Variants in CHRM3 observed in about 807,000 individuals in gnomAD.
CHRM3 encodes the protein cholinergic receptor muscarinic 3.
CHRM3 carries 11 observed loss-of-function variants against 41.8 expected under a neutral mutation model. That is an observed-to-expected ratio of 0.26 (90% confidence interval 0.17 to 0.44). The LOEUF is 0.44. CHRM3 is among the 20% of genes least tolerant of loss of function. The pLI is 1.00. For missense variants in CHRM3, 571 were observed against 745.4 expected (o/e 0.77, Z 2.72); for synonymous variants, 297 against 301.4 (o/e 0.99, Z 0.15).
intron 3 of CHRM3, among the ~76,000 whole-genome samples, chr1:239,601,047 C>A (rs1405752108): frequency 6.6e-6 from 1 of 152,124 alleles, no homozygotes; most frequent in African/African-American, 2.4e-5. Flanking sequence ...GAATCATCTC[C>A]CTCATTTGAA....
In CHRM3 at chr1:239,908,642, G is replaced by A. The variant is rs1231968560; in HGVS notation, c.1191G>A (p.Gly397=). 1.2e-6 allele frequency: 2 copies of A among 1,611,980 alleles called. No individual in the cohort carries two copies. Among genetic ancestry groups the A allele is most frequent in the African/African-American group, 1.3e-5 (1 of 74,886 alleles). The stretch of plus-strand genomic sequence containing the variant: ...TGCAGGTGCCTGAGGAGGAGCTGGG[G>A]ATGGTGGACTTGGAGAGGAAAGCCG... The part of the protein sequence containing the change: ...DNLQVPEEEL[G]MVDLERKADK... The change falls in exon 7 of 7, where the codon GGG becomes GGA. Residue 397 remains glycine, a synonymous_variant. Coordinates refer to ENST00000676153, the MANE Select transcript of CHRM3 (RefSeq NM_001375978.1). The surrounding 1 kb of genome is among the most constrained non-coding windows in gnomAD (Gnocchi z 7.2).
At chr1:239,900,010 A>G (rs2103005039) in intron 6 of CHRM3, 1 of 152,340 alleles carries the variant, frequency 6.6e-6, no homozygotes, top group East Asian at 1.9e-4. Flanking sequence ...CTGGGCTGAC[A>G]AGGATCTCTG....
At chr1:239,693,976 G>A (rs1000218411) in intron 5 of CHRM3, among the ~76,000 whole-genome samples, 2 of 152,074 alleles carry the variant, frequency 1.3e-5, no homozygotes, top group African/African-American at 2.4e-5. Context: ...ATTTCAGAAA[G>A]ATGATTTCCA....
intron 3 of CHRM3, chr1:239,546,193 G>A (rs1270926045): frequency 6.6e-6 from 1 of 152,088 alleles, no homozygotes; most frequent in African/African-American, 2.4e-5. Context: ...TTAACAGTTG[G>A]TGTATGATAT....
intron 5 of CHRM3, among the ~76,000 whole-genome samples, chr1:239,678,754 GT>G (rs776932220): frequency 6.6e-6 from 1 of 152,144 alleles, no homozygotes; most frequent in Non-Finnish European, 1.5e-5. Flanking sequence ...GACTACATAT[GT>G]GAATTAATTA....
chr1:239,437,068 A>T (rs748289367), intron 1 of CHRM3, among the ~76,000 whole-genome samples: 10 of 152,118 alleles, frequency 6.6e-5, no homozygotes, highest in Non-Finnish European at 1.5e-4. Context: ...CTAGTGGGTA[A>T]TGAAAATTTT....
intron 1 of CHRM3, among the ~76,000 whole-genome samples, chr1:239,481,289 A>G (rs913969994): frequency 3.9e-4 from 60 of 152,324 alleles, no homozygotes; most frequent in Non-Finnish European, 7.6e-4. Flanking sequence ...TGTATAGACT[A>G]CTAATAGATT....
chr1:239,902,210 G>T (rs1679635185), intron 6 of CHRM3, among the ~76,000 whole-genome samples: 1 of 152,144 alleles, frequency 6.6e-6, no homozygotes, highest in Non-Finnish European at 1.5e-5. Context: ...TTAGCATTGG[G>T]AGAAGGGAGG....
chr1:239,856,289 AG>A (rs1284913157), intron 6 of CHRM3, among the ~76,000 whole-genome samples: 5 of 151,914 alleles, frequency 3.3e-5, no homozygotes, highest in African/African-American at 1.2e-4. Context: ...TGTGATCCTG[AG>A]TGTTGGAGGT....
chr1:239,847,035 AC>A (rs1263350688), intron 6 of CHRM3, among the ~76,000 whole-genome samples: 1 of 152,196 alleles, frequency 6.6e-6, no homozygotes, highest in Non-Finnish European at 1.5e-5. Context: ...CCATGTAAGG[AC>A]CCAAAGCTCC....
At chr1:239,700,420 T>C (rs1403209577) in intron 5 of CHRM3, among the ~76,000 whole-genome samples, 1 of 152,126 alleles carries the variant, frequency 6.6e-6, no homozygotes, top group South Asian at 2.1e-4. Context: ...CATTGGAAAA[T>C]TGCCCTAAAA....
At chr1:239,895,725 C>T (rs1030965277) in intron 6 of CHRM3, among the ~76,000 whole-genome samples, 5 of 152,146 alleles carry the variant, frequency 3.3e-5, no homozygotes, top group African/African-American at 9.7e-5. Context: ...GAACAGAAAA[C>T]CAAACACGGC....
intron 5 of CHRM3, among the ~76,000 whole-genome samples, chr1:239,768,018 T>C (rs887797776): frequency 3.9e-5 from 6 of 152,140 alleles, no homozygotes; most frequent in African/African-American, 1.4e-4. Flanking sequence ...TAAAGAACAA[T>C]AATTCCAGAG....
At chr1:239,495,996 G>A (rs1322831223) in intron 2 of CHRM3, among the ~76,000 whole-genome samples, 1 of 152,156 alleles carries the variant, frequency 6.6e-6, no homozygotes, top group Non-Finnish European at 1.5e-5. Context: ...CAGGAATTCT[G>A]TAGCAACTTC....
intron 3 of CHRM3, among the ~76,000 whole-genome samples, chr1:239,607,789 CT>C (rs904604575): frequency 2.0e-5 from 3 of 152,114 alleles, no homozygotes; most frequent in Non-Finnish European, 2.9e-5. Context: ...TATTTGAAGT[CT>C]TTTTTTAATG....
At chr1:239,511,490 A>T (rs1668918749) in intron 2 of CHRM3, among the ~76,000 whole-genome samples, 1 of 152,154 alleles carries the variant, frequency 6.6e-6, no homozygotes, top group Admixed American at 6.5e-5. Context: ...ATCAAATGTG[A>T]TTTCTGTGGT....
chr1:239,524,168 G>T (rs1367230203), intron 2 of CHRM3, among the ~76,000 whole-genome samples: 2 of 150,644 alleles, frequency 1.3e-5, no homozygotes, highest in South Asian at 2.1e-4. Flanking sequence ...CAGATTCAAA[G>T]AATATATATA....
chr1:239,813,097 G>A lies in CHRM3; in HGVS notation c.-146-14155G>A, dbSNP rs192201927. 4.3e-3 allele frequency among the ~76,000 whole-genome samples: 662 copies of A among 152,274 alleles called. 1 individual carries two copies. The highest frequency in any genetic ancestry group is 8.0e-3 in the Admixed American group (122 of 15,298). ...GTTTGAGACCAGCCTGGCCAATACG[G>A]TGAAACCTCATCTCTACTAAAAATA... On this transcript the variant is annotated intron_variant, in intron 5 of 6. Coordinates refer to ENST00000676153, the MANE Select transcript of CHRM3 (RefSeq NM_001375978.1).
At chr1:239,582,727 C>A (rs755358453) in intron 3 of CHRM3, among the ~76,000 whole-genome samples, 2 of 152,122 alleles carry the variant, frequency 1.3e-5, no homozygotes, top group Non-Finnish European at 2.9e-5. Context: ...ACTAAAACAG[C>A]GTAATAACTG....
Sources: gnomAD v4.1 joint callset for allele counts (sites outside exome capture counted in the v4.1 genomes callset) on GRCh38, gnomAD v4.1.1 for gene constraint, Gnocchi (gnomAD v3.1) non-coding constraint, MANE v1.5 for transcripts, NCBI Gene and HGNC (gene_info 2026-07-23, HGNC 2026-07-21) for gene names.